FAM227B: variants seen among roughly 807,000 people sequenced by gnomAD.
The protein encoded by FAM227B is family with sequence similarity 227 member B.
In FAM227B, 88 loss-of-function variants were observed where a neutral mutation model predicts 73.8. That is an observed-to-expected ratio of 1.19 (90% CI 1.00 to 1.42). The LOEUF is 1.42. Among genes scored for constraint, FAM227B ranks in the 40% most tolerant of loss-of-function variants. The pLI is 0.00. For synonymous variants in FAM227B, 210 were observed against 190.5 expected (o/e 1.10, Z -0.84); for missense variants, 632 against 590.9 (o/e 1.07, Z -0.72).
At chr15:49,372,995 A>G (rs1443827097) in intron 11 of FAM227B, among the ~76,000 whole-genome samples, 1 of 152,086 alleles carries the variant, frequency 6.6e-6, no homozygotes, top group Non-Finnish European at 1.5e-5. Flanking sequence ...TTAGATTTAG[A>G]ATTAGAATGG....
chr15:49,543,728 T>G (rs1315351597), intron 9 of FAM227B, among the ~76,000 whole-genome samples: 1 of 152,208 alleles, frequency 6.6e-6, no homozygotes, highest in Non-Finnish European at 1.5e-5. Flanking sequence ...GTTTGCCAAT[T>G]ATCCCAGAAC....
At chr15:49,437,933 C>T (rs1490714048) in intron 11 of FAM227B, among the ~76,000 whole-genome samples, 1 of 151,598 alleles carries the variant, frequency 6.6e-6, no homozygotes, top group Admixed American at 6.6e-5. Context: ...TCTCAAAAAA[C>T]ATATTTTAAC....
At chr15:49,613,347 G>A (rs183457539) in intron 2 of FAM227B, among the ~76,000 whole-genome samples, 1 of 152,146 alleles carries the variant, frequency 6.6e-6, no homozygotes, top group East Asian at 1.9e-4. Flanking sequence ...TAAAACCCCA[G>A]TCTCTTATAA....
intron 11 of FAM227B, among the ~76,000 whole-genome samples, chr15:49,497,899 C>T (rs2057764948): frequency 6.6e-6 from 1 of 152,186 alleles, no homozygotes; most frequent in African/African-American, 2.4e-5. Flanking sequence ...TTTCCAAGTC[C>T]CCTAACCATT....
intron 11 of FAM227B, among the ~76,000 whole-genome samples, chr15:49,454,176 G>T (rs1159533577): frequency 1.3e-5 from 2 of 152,096 alleles, no homozygotes; most frequent in South Asian, 2.1e-4. Flanking sequence ...TTTATTGAAG[G>T]TTATATAGTT....
At chr15:49,424,276 AC>A (rs1283786898) in intron 11 of FAM227B, 1 of 1,594,150 alleles carries the variant, frequency 6.3e-7, no homozygotes, top group Middle Eastern at 1.7e-4. Flanking sequence ...TTATTCATGA[AC>A]ACCCGGAGCA....
intron 10 of FAM227B, among the ~76,000 whole-genome samples, chr15:49,521,958 G>C (rs766939933): frequency 5.3e-5 from 8 of 152,120 alleles, no homozygotes; most frequent in Non-Finnish European, 1.2e-4. Context: ...AGATACTGGA[G>C]GGTGATCTGG....
chr15:49,410,452 GT>G (rs753683782), intron 11 of FAM227B, among the ~76,000 whole-genome samples: 2 of 151,926 alleles, frequency 1.3e-5, no homozygotes, highest in Non-Finnish European at 2.9e-5. Context: ...TAGTTCTAAT[GT>G]TTTTGTCTTC....
At chr15:49,527,678 C>G (rs909672482) in intron 10 of FAM227B, among the ~76,000 whole-genome samples, 5 of 151,836 alleles carry the variant, frequency 3.3e-5, no homozygotes, top group African/African-American at 9.7e-5. Context: ...AAACAGTGTA[C>G]AGAAATCAGT....
chr15:49,587,389 T>G (rs899524674), intron 5 of FAM227B, among the ~76,000 whole-genome samples: 2 of 152,088 alleles, frequency 1.3e-5, no homozygotes, highest in Non-Finnish European at 2.9e-5. Context: ...GCACTAAGTT[T>G]AATACCTGGG....
intron 11 of FAM227B, chr15:49,423,123 T>TATA (rs779480450): frequency 1.8e-5 from 3 of 162,660 alleles, no homozygotes; most frequent in Non-Finnish European, 2.7e-5. Flanking sequence ...CATTGAATAC[T>TATA]ATACAAGCCT....
intron 11 of FAM227B, chr15:49,484,672 G>C (rs1346322510): frequency 4.6e-6 from 2 of 430,652 alleles, no homozygotes; most frequent in African/African-American, 4.1e-5. Flanking sequence ...TTTGTTTTAA[G>C]ACACTGCATT....
At chr15:49,395,843 C>A in intron 11 of FAM227B, 1 of 430,938 alleles carries the variant, frequency 2.3e-6, no homozygotes, top group Non-Finnish European at 4.6e-6. Flanking sequence ...AAACTCAACA[C>A]ATTCAAAGGA....
At chr15:49,602,150 G>T (rs575880193) in intron 3 of FAM227B, among the ~76,000 whole-genome samples, 54 of 152,198 alleles carry the variant, frequency 3.5e-4, no homozygotes, top group Admixed American at 1.2e-3. Context: ...TTTCTCTGGG[G>T]TATACACTCA....
intron 11 of FAM227B, among the ~76,000 whole-genome samples, chr15:49,460,319 G>C (rs1015342657): frequency 6.6e-6 from 1 of 152,120 alleles, no homozygotes; most frequent in African/African-American, 2.4e-5. Context: ...AATATGTTGA[G>C]ACAAACATAT....
chr15:49,433,021 G>A (rs139723352), intron 11 of FAM227B, among the ~76,000 whole-genome samples: 11 of 151,454 alleles, frequency 7.3e-5, no homozygotes, highest in African/African-American at 2.2e-4. Flanking sequence ...AAAGTAGTTG[G>A]AGCAAAATTT....
At chr15:49,391,054 T>G (rs1596798173) in intron 11 of FAM227B, among the ~76,000 whole-genome samples, 1 of 152,102 alleles carries the variant, frequency 6.6e-6, no homozygotes, top group East Asian at 1.9e-4. Flanking sequence ...TCTCAACTTT[T>G]TCATTTGTAA....
chr15:49,610,610 A>G (rs1198741636), intron 3 of FAM227B, among the ~76,000 whole-genome samples: 3 of 152,116 alleles, frequency 2.0e-5, no homozygotes, highest in Admixed American at 1.3e-4. Flanking sequence ...CTAATTAAAA[A>G]GCCACCTTTT....
intron 11 of FAM227B, among the ~76,000 whole-genome samples, chr15:49,383,798 G>T (rs369217434): frequency 2.0e-5 from 3 of 152,200 alleles, no homozygotes; most frequent in African/African-American, 7.2e-5. Flanking sequence ...AAGAAATGCT[G>T]ATATGCTATT....
Sources: allele counts gnomAD v4.1 joint callset (sites outside exome capture counted in the v4.1 genomes callset), GRCh38; gene constraint gnomAD v4.1.1; transcripts MANE v1.5; gene names NCBI Gene and HGNC (gene_info 2026-07-23, HGNC 2026-07-21).